Variants in SPATA6 observed in about 807,000 individuals in gnomAD.
SPATA6 encodes spermatogenesis associated 6, also known as spermatogenesis-associated protein 6.
In SPATA6, 56 loss-of-function variants were observed where a neutral mutation model predicts 65.3. The ratio of observed to expected loss-of-function variants is 0.86; its 90% confidence interval spans 0.69 to 1.07. The LOEUF (loss-of-function observed/expected upper bound fraction) is 1.07. Among genes scored for constraint, SPATA6 ranks in the 50% least tolerant of loss-of-function variants. SPATA6 has a pLI of 0.00. For missense variants in SPATA6, 590 were observed against 594.8 expected, an observed-to-expected ratio of 0.99 and a Z score of 0.08; for synonymous variants, 199 against 213.2, an observed-to-expected ratio of 0.93 and a Z score of 0.58.
At chr1:48,388,375 A>G (rs976221893) in intron 8 of SPATA6, among the ~76,000 whole-genome samples, 2 of 152,008 alleles carry the variant, frequency 1.3e-5, no homozygotes, top group Non-Finnish European at 2.9e-5. Flanking sequence ...AAAAATTGGA[A>G]CAAACAACTG....
In SPATA6 at chr1:48,325,489, C is replaced by CT. The variant is rs559357696; in HGVS notation, c.1195-19612dup. 7.5e-5 allele frequency: 91 copies of CT among 1,215,252 alleles called. No individual in the cohort carries two copies. The South Asian group carries it at 1.1e-3, about 14-fold the overall frequency. 75.3% of individuals were successfully genotyped at this position (1,215,252 alleles called of 1,614,324 possible). A position where few individuals can be genotyped will look rare whatever the true frequency, so the allele number is the denominator to read the frequency against. The stretch of plus-strand genomic sequence containing the variant: ...CGACAAACTGAGGGATCCACATTCT[C>CT]TGAGTTGATGATCTCATCATCCTCA... On this transcript the variant is annotated intron_variant, in intron 11 of 12. Coordinates refer to ENST00000371847, the MANE Select transcript of SPATA6 (RefSeq NM_019073.4).
intron 11 of SPATA6, among the ~76,000 whole-genome samples, chr1:48,352,903 C>CCA (rs1291073035): frequency 7.5e-6 from 1 of 133,342 alleles, no homozygotes; most frequent in African/African-American, 2.8e-5. Context: ...CTTTTAAATA[C>CCA]AAAAAAAAAA....
intron 11 of SPATA6, among the ~76,000 whole-genome samples, chr1:48,308,240 T>C (rs1175335650): frequency 6.6e-6 from 1 of 152,018 alleles, no homozygotes; most frequent in Non-Finnish European, 1.5e-5. Context: ...TTTTGAGACA[T>C]TTTCTTACTA....
At chr1:48,379,988 C>A (rs1648370449) in intron 9 of SPATA6, among the ~76,000 whole-genome samples, 1 of 152,160 alleles carries the variant, frequency 6.6e-6, no homozygotes, top group Non-Finnish European at 1.5e-5. Context: ...TTAATTTAAT[C>A]ATTCCACAAC....
intron 9 of SPATA6, among the ~76,000 whole-genome samples, chr1:48,367,037 C>T (rs1647043067): frequency 1.3e-5 from 2 of 152,066 alleles, no homozygotes; most frequent in Admixed American, 1.3e-4. Context: ...TTATTTCTGC[C>T]TTCATTTCAT....
chr1:48,404,756 G>A (rs1651534589), intron 5 of SPATA6, among the ~76,000 whole-genome samples: 1 of 152,130 alleles, frequency 6.6e-6, no homozygotes, highest in Non-Finnish European at 1.5e-5. Context: ...TTCCTATAAT[G>A]TATCTTACAT....
chr1:48,399,339 G>T lies in SPATA6; in HGVS notation c.780+12C>A. 6.2e-7 allele frequency: 1 copy of T among 1,603,102 alleles called. No homozygotes were observed. The highest frequency in any genetic ancestry group is 1.1e-5 in the South Asian group (1 of 89,110). On this transcript the variant is annotated intron_variant, in intron 7 of 12. Transcript: ENST00000371847. ...ATCAGTTTCAAATAGAAATGCTTAA[G>T]AGAACACATACATGTCTAATCACAA...
At chr1:48,292,699 G>A (rs756545896), downstream of SPATA6, among the ~76,000 whole-genome samples, 17 of 152,256 alleles carry the variant, frequency 1.1e-4, no homozygotes, top group Non-Finnish European at 2.4e-4. Flanking sequence ...TGAGAGCTGG[G>A]TAAGGGCATG....
chr1:48,426,356 C>T lies in SPATA6; in HGVS notation c.239-13205G>A, dbSNP rs1038943236. On this transcript the variant is annotated intron_variant, in intron 3 of 12. Coordinates refer to ENST00000371847, the MANE Select transcript of SPATA6 (RefSeq NM_019073.4). ...AAAGTTGTACAATAGAGTCTGAAGA[C>T]GGTAGATTAGTCCTGGTAGCCCATA... Among the ~76,000 whole-genome samples the T allele has an allele frequency of 2.6e-5, 4 of 152,082 alleles. No individual in the cohort carries two copies. The South Asian group carries it at 6.2e-4, about 24-fold the overall frequency.
intron 3 of SPATA6, chr1:48,436,272 A>G: frequency 1.2e-6 from 2 of 1,613,870 alleles, no homozygotes; most frequent in South Asian, 1.1e-5. Context: ...AACGCCTGAA[A>G]GCTTTACAGA....
rs184624798 is a variant in SPATA6, at chr1:48,310,046, C to T, written c.1195-4168G>A. 1.4e-3 allele frequency among the ~76,000 whole-genome samples: 206 copies of T among 152,258 alleles called. 1 individual carries two copies. The highest frequency in any genetic ancestry group is 4.7e-3 in the African/African-American group (196 of 41,544). ...CAAATATGAGTGGTATTCTAAAATC[C>T]CAGGAATGTGTGGTAGCTTTTCAAA... On this transcript the variant is annotated intron_variant, in intron 11 of 12. Coordinates refer to ENST00000371847, the MANE Select transcript of SPATA6 (RefSeq NM_019073.4).
intron 9 of SPATA6, among the ~76,000 whole-genome samples, chr1:48,365,623 T>G (rs542602778): frequency 6.6e-6 from 1 of 152,304 alleles, no homozygotes; most frequent in Admixed American, 6.5e-5. Flanking sequence ...TAAGAATTCT[T>G]GTGATTTTTG....
the SPATA6 span, among the ~76,000 whole-genome samples, chr1:48,263,445 C>A: frequency 6.6e-6 from 1 of 151,724 alleles, no homozygotes; most frequent in Non-Finnish European, 1.5e-5. Flanking sequence ...TTGTCAATAC[C>A]CACCGATGTG....
chr1:48,312,592 G>A (rs1645253305), intron 11 of SPATA6, among the ~76,000 whole-genome samples: 1 of 152,078 alleles, frequency 6.6e-6, no homozygotes, highest in African/African-American at 2.4e-5. Flanking sequence ...CCACAAAGAT[G>A]GGGAAAAAAC....
intron 11 of SPATA6, among the ~76,000 whole-genome samples, chr1:48,350,849 C>T (rs1169588540): frequency 2.6e-5 from 4 of 151,882 alleles, no homozygotes; most frequent in African/African-American, 9.7e-5. Context: ...TTTGATTTTT[C>T]AAGTTTCTTT....
At chr1:48,277,332 A>C in the SPATA6 span, among the ~76,000 whole-genome samples, 2,252 of 152,218 alleles carry the variant, frequency 0.015, 54 homozygotes, top group African/African-American at 0.051. Context: ...TGGGTGCAGG[A>C]CAGTGGGTGC....
At chr1:48,461,424 C>A (rs1657422349) in intron 1 of SPATA6, among the ~76,000 whole-genome samples, 1 of 152,104 alleles carries the variant, frequency 6.6e-6, no homozygotes, top group Non-Finnish European at 1.5e-5. Flanking sequence ...ATGCCTATGT[C>A]CTGAATGGTA....
At chr1:48,374,079 T>G (rs1647611738) in intron 9 of SPATA6, among the ~76,000 whole-genome samples, 1 of 152,226 alleles carries the variant, frequency 6.6e-6, no homozygotes, top group Admixed American at 6.5e-5. Flanking sequence ...AGTGTGTGTA[T>G]AGCCGATAAG....
chr1:48,426,569 C>T (rs1653857837), intron 3 of SPATA6, among the ~76,000 whole-genome samples: 1 of 152,104 alleles, frequency 6.6e-6, no homozygotes, highest in East Asian at 1.9e-4. Flanking sequence ...ACACTTTGAA[C>T]ACTACATACG....
Sources: allele counts gnomAD v4.1 joint callset (sites outside exome capture counted in the v4.1 genomes callset), GRCh38; gene constraint gnomAD v4.1.1; transcripts MANE v1.5; gene names NCBI Gene and HGNC (gene_info 2026-07-23, HGNC 2026-07-21).